ADGRB3: variants seen among roughly 807,000 people sequenced by gnomAD.
ADGRB3 encodes adhesion G protein-coupled receptor B3.
ADGRB3 carries 37 observed loss-of-function variants against 193.4 expected under a neutral mutation model. That is an observed-to-expected ratio of 0.19 (90% confidence interval 0.15 to 0.25). ADGRB3 has a LOEUF of 0.25. Ranked by LOEUF, ADGRB3 falls within the 10% of genes least tolerant of loss-of-function variation. The pLI is 1.00. For synonymous variants in ADGRB3, 690 were observed against 644.2 expected (o/e 1.07, Z -1.08); for missense variants, 1,637 against 1,852.9 (o/e 0.88, Z 2.14).
intron 3 of ADGRB3, among the ~76,000 whole-genome samples, chr6:68,924,175 A>G (rs1248197711): frequency 6.6e-6 from 1 of 152,082 alleles, no homozygotes; most frequent in Admixed American, 6.5e-5. Flanking sequence ...TAGTTGTCTC[A>G]GAAAGAGATA....
intron 6 of ADGRB3, among the ~76,000 whole-genome samples, chr6:68,946,913 C>T (rs558139366): frequency 3.3e-5 from 5 of 152,058 alleles, no homozygotes; most frequent in East Asian, 1.9e-4. Flanking sequence ...TGATATATAC[C>T]TATAAGTAGA....
At chr6:68,713,551 T>G (rs1475325444) in intron 3 of ADGRB3, among the ~76,000 whole-genome samples, 1 of 151,842 alleles carries the variant, frequency 6.6e-6, no homozygotes, top group Admixed American at 6.6e-5. Context: ...GGAACTTTCA[T>G]AACTCTATCT....
At chr6:69,219,620 A>G (rs979588179) in intron 17 of ADGRB3, among the ~76,000 whole-genome samples, 1 of 151,194 alleles carries the variant, frequency 6.6e-6, no homozygotes, top group Non-Finnish European at 1.5e-5. Flanking sequence ...CAACTTTGCT[A>G]AATCTTTGCT....
At chr6:68,956,943 G>T (rs1447544202) in intron 8 of ADGRB3, 134 bp downstream of exon 8, 1 of 984,098 alleles carries the variant, frequency 1.0e-6, no homozygotes, top group Non-Finnish European at 1.5e-6. Context: ...CAATTTACTT[G>T]TTTCTGTACT....
intron 17 of ADGRB3, among the ~76,000 whole-genome samples, chr6:69,214,214 C>A (rs1256162488): frequency 6.6e-6 from 1 of 152,106 alleles, no homozygotes; most frequent in Admixed American, 6.6e-5. Flanking sequence ...AATTTGAAAA[C>A]TCGTTAGTTC....
rs190301167 is a variant in ADGRB3 at position 69,270,059 on chromosome 6, G to C, written c.2814+30833G>C. Among the ~76,000 whole-genome samples, 653 of 152,260 alleles carry C rather than the reference G, an allele frequency of 4.3e-3. 4 individuals carry two copies. Among genetic ancestry groups the C allele is most frequent in the Non-Finnish European group, 5.6e-3 (382 of 68,020 alleles). On this transcript the variant is annotated intron_variant, in intron 20 of 31. Coordinates refer to ENST00000370598, the MANE Select transcript of ADGRB3 (RefSeq NM_001704.3). ...GCTCATCAGAGTTGCAGGCATGGCT[G>C]TGGCACTTTTTGGAGTTTGTGGGAT... is the stretch of plus-strand genomic sequence containing the variant.
chr6:68,793,521 T>A (rs1767148651), intron 3 of ADGRB3, among the ~76,000 whole-genome samples: 1 of 152,162 alleles, frequency 6.6e-6, no homozygotes, highest in Non-Finnish European at 1.5e-5. Flanking sequence ...TATTCTATAA[T>A]GTATCTATTT....
At chr6:69,268,325 C>T (rs563231708) in intron 20 of ADGRB3, among the ~76,000 whole-genome samples, 3 of 152,194 alleles carry the variant, frequency 2.0e-5, no homozygotes, top group East Asian at 3.9e-4. Context: ...GTGTTATTTT[C>T]TTGGGCATTA....
intron 8 of ADGRB3, among the ~76,000 whole-genome samples, chr6:68,973,809 A>G (rs1038159306): frequency 1.3e-5 from 2 of 152,198 alleles, no homozygotes; most frequent in Non-Finnish European, 2.9e-5. Context: ...GTGTGTGTCT[A>G]GAGAAGGGAC....
intron 17 of ADGRB3, among the ~76,000 whole-genome samples, chr6:69,082,117 G>A (rs369145503): frequency 1.5e-4 from 23 of 151,958 alleles, no homozygotes; most frequent in African/African-American, 5.3e-4. Flanking sequence ...CAACTGCAAA[G>A]TTGAGTCACA....
intron 29 of ADGRB3, among the ~76,000 whole-genome samples, chr6:69,367,001 A>G (rs1371940473): frequency 6.6e-6 from 1 of 152,072 alleles, no homozygotes; most frequent in Non-Finnish European, 1.5e-5. Flanking sequence ...GTGTGCAGTA[A>G]TGGGTAATAA....
At chr6:69,081,147 T>C (rs567956224) in intron 17 of ADGRB3, among the ~76,000 whole-genome samples, 1 of 152,168 alleles carries the variant, frequency 6.6e-6, no homozygotes, top group South Asian at 2.1e-4. Context: ...GGAATTTGCA[T>C]CTAAGATGTT....
intron 17 of ADGRB3, among the ~76,000 whole-genome samples, chr6:69,105,156 A>G (rs1453309461): frequency 3.9e-5 from 6 of 152,204 alleles, no homozygotes; most frequent in African/African-American, 1.2e-4. Context: ...TTTTCTTAAA[A>G]TCAAATTTCA....
chr6:68,936,748 T>G (rs997043593), intron 5 of ADGRB3, 68 bp downstream of exon 5: 2 of 1,510,652 alleles, frequency 1.3e-6, no homozygotes, highest in African/African-American at 2.7e-5. Context: ...TTGGAACGAT[T>G]TGTTATTTTC....
chr6:69,148,685 C>A (rs1317401826), intron 17 of ADGRB3, among the ~76,000 whole-genome samples: 2 of 152,084 alleles, frequency 1.3e-5, no homozygotes, highest in Non-Finnish European at 2.9e-5. Context: ...TTTTATATTA[C>A]AAAACTCCCT....
chr6:68,839,017 C>G (rs890739507), intron 3 of ADGRB3, among the ~76,000 whole-genome samples: 2 of 151,974 alleles, frequency 1.3e-5, no homozygotes, highest in African/African-American at 4.8e-5. Flanking sequence ...CTGAGAGGAA[C>G]ACATTTGCCC....
At chr6:69,384,070 C>A (rs1465707199) in intron 31 of ADGRB3, among the ~76,000 whole-genome samples, 2 of 151,794 alleles carry the variant, frequency 1.3e-5, no homozygotes, top group Non-Finnish European at 2.9e-5. Context: ...TTATGTTTTT[C>A]TTTTATTCCT....
intron 17 of ADGRB3, among the ~76,000 whole-genome samples, chr6:69,153,123 A>C (rs2150341892): frequency 6.6e-6 from 1 of 152,242 alleles, no homozygotes; most frequent in African/African-American, 2.4e-5. Context: ...AAACCTATGA[A>C]ACCCTGCATG....
chr6:68,698,399 C>T (rs893086231), intron 3 of ADGRB3, among the ~76,000 whole-genome samples: 6 of 151,916 alleles, frequency 3.9e-5, no homozygotes, highest in Non-Finnish European at 7.4e-5. Context: ...CAAGTAAGCA[C>T]TTAAATCATA....
Sources: gnomAD v4.1 joint callset for allele counts (sites outside exome capture counted in the v4.1 genomes callset) on GRCh38, gnomAD v4.1.1 for gene constraint, MANE v1.5 for transcripts, NCBI Gene and HGNC (gene_info 2026-07-23, HGNC 2026-07-21) for gene names.